Variants in GRM3 observed in about 807,000 individuals in gnomAD.
GRM3 encodes glutamate metabotropic receptor 3, also known as metabotropic glutamate receptor 3.
Under a neutral mutation model 70.5 loss-of-function variants are expected in GRM3, and 26 were observed. That is an observed-to-expected ratio of 0.37 (90% CI 0.27 to 0.51). The LOEUF (loss-of-function observed/expected upper bound fraction) is 0.51. Ranked by LOEUF, GRM3 falls within the 20% of genes least tolerant of loss-of-function variation. The pLI, the probability that GRM3 is intolerant of heterozygous loss-of-function variation, is 0.93. For missense variants in GRM3, 859 were observed against 1,123.8 expected (o/e 0.76, Z 3.37); for synonymous variants, 443 against 434.9 (o/e 1.02, Z -0.23).
At chr7:86,669,970 A>C (rs1794129868) in intron 1 of GRM3, among the ~76,000 whole-genome samples, 2 of 152,256 alleles carry the variant, frequency 1.3e-5, no homozygotes, top group Non-Finnish European at 2.9e-5. Context: ...GTGATCACCA[A>C]ATCCAACAAC....
At chr7:86,681,952 A>G (rs746684198) in intron 1 of GRM3, among the ~76,000 whole-genome samples, 1 of 152,184 alleles carries the variant, frequency 6.6e-6, no homozygotes, top group East Asian at 1.9e-4. Context: ...GGTACTGACA[A>G]AGCAAGCTTC....
chr7:86,673,007 T>C (rs1049354391), intron 1 of GRM3, among the ~76,000 whole-genome samples: 1 of 152,194 alleles, frequency 6.6e-6, no homozygotes, highest in African/African-American at 2.4e-5. Flanking sequence ...AAACAAACTT[T>C]AAAATCTTTC....
At chr7:86,789,238 AG>A (rs1797346866) in intron 3 of GRM3, among the ~76,000 whole-genome samples, 1 of 152,196 alleles carries the variant, frequency 6.6e-6, no homozygotes, top group Non-Finnish European at 1.5e-5. Flanking sequence ...CATAAAAGAG[AG>A]GGAATTTAGA....
At chr7:86,673,261 A>T (rs1794218194) in intron 1 of GRM3, among the ~76,000 whole-genome samples, 1 of 152,110 alleles carries the variant, frequency 6.6e-6, no homozygotes. Context: ...AACTGGCATC[A>T]TCCTTATTTG....
At chr7:86,647,517 A>G (rs973915536) in intron 1 of GRM3, among the ~76,000 whole-genome samples, 3 of 152,230 alleles carry the variant, frequency 2.0e-5, no homozygotes, top group African/African-American at 7.2e-5. Context: ...CCAAAGTTCC[A>G]GCGTGAGACT....
intron 2 of GRM3, among the ~76,000 whole-genome samples, chr7:86,775,660 C>A (rs1025890155): frequency 1.3e-5 from 2 of 152,108 alleles, no homozygotes; most frequent in African/African-American, 2.4e-5. Flanking sequence ...TCACCACCAT[C>A]CCTCTATCCT....
At chr7:86,663,562 T>A (rs2115854290) in intron 1 of GRM3, among the ~76,000 whole-genome samples, 1 of 152,162 alleles carries the variant, frequency 6.6e-6, no homozygotes, top group Admixed American at 6.6e-5. Context: ...GCAGGAAAAC[T>A]TGGGTCAAAA....
chr7:86,808,759 G>A (rs552839174), intron 3 of GRM3, among the ~76,000 whole-genome samples: 2 of 152,170 alleles, frequency 1.3e-5, no homozygotes, highest in East Asian at 1.9e-4. Flanking sequence ...AACCCATGAG[G>A]AAATATGGGG....
intron 1 of GRM3, among the ~76,000 whole-genome samples, chr7:86,646,125 C>T (rs1393259939): frequency 2.0e-5 from 3 of 151,600 alleles, no homozygotes; most frequent in African/African-American, 4.9e-5. Context: ...ATAGGCATTA[C>T]TAAAGTAATC....
chr7:86,777,859 T>C (rs1415653169), intron 2 of GRM3, among the ~76,000 whole-genome samples: 3 of 152,146 alleles, frequency 2.0e-5, no homozygotes, highest in African/African-American at 4.8e-5. Context: ...CAGCTAATAA[T>C]GTAACTTGAA....
At chr7:86,675,307 G>A (rs1036034570) in intron 1 of GRM3, among the ~76,000 whole-genome samples, 2 of 152,040 alleles carry the variant, frequency 1.3e-5, no homozygotes, top group Non-Finnish European at 2.9e-5. Flanking sequence ...TCCCCCATAG[G>A]AGGTCAGAAG....
At position 86,644,791 on chromosome 7, in the gene GRM3, G is replaced by A. The variant is rs1173167048; in HGVS notation, c.-222G>A. 1 of 1,289,542 alleles carries A rather than the reference G, an allele frequency of 7.8e-7. No individual in the cohort carries two copies. Among genetic ancestry groups the A allele is most frequent in the Non-Finnish European group, 1.0e-6 (1 of 988,610 alleles). The allele number at this position is 1,289,542 out of a possible 1,614,324, so 79.9% of individuals were successfully genotyped here. A position where few individuals can be genotyped will look rare whatever the true frequency, so the allele number is the denominator to read the frequency against. On this transcript the variant is annotated 5_prime_UTR_variant, in exon 1 of 6. An upstream start codon of the reference 5' UTR is lost. Coordinates refer to ENST00000361669, the MANE Select transcript of GRM3 (RefSeq NM_000840.3). Reference sequence around the variant, plus strand: ...GTGTCGGATGAGGAGGACCAACCATGAGCCAGAGCCCGGGTGCAGGCTCAC... The same window carrying A: ...GTGTCGGATGAGGAGGACCAACCATAAGCCAGAGCCCGGGTGCAGGCTCAC...
intron 1 of GRM3, among the ~76,000 whole-genome samples, chr7:86,717,563 T>A (rs2116209262): frequency 6.6e-6 from 1 of 152,074 alleles, no homozygotes; most frequent in South Asian, 2.1e-4. Context: ...AAGCTTATAT[T>A]GTGCCTTTAA....
At chr7:86,668,889 G>A (rs1794100886) in intron 1 of GRM3, among the ~76,000 whole-genome samples, 1 of 152,138 alleles carries the variant, frequency 6.6e-6, no homozygotes, top group African/African-American at 2.4e-5. Flanking sequence ...GATTTCCCTT[G>A]AGCGTGAAAT....
intron 4 of GRM3, among the ~76,000 whole-genome samples, chr7:86,842,578 G>C (rs910869872): frequency 6.6e-6 from 1 of 152,136 alleles, no homozygotes; most frequent in Non-Finnish European, 1.5e-5. Context: ...AAATTTCCCA[G>C]AGGAAAATCG....
intron 1 of GRM3, among the ~76,000 whole-genome samples, chr7:86,701,129 T>C (rs543314871): frequency 6.6e-6 from 1 of 152,012 alleles, no homozygotes; most frequent in Non-Finnish European, 1.5e-5. Flanking sequence ...AACAATAACC[T>C]TTAGCCTAAT....
At chr7:86,863,764 G>A (rs1799004507) in intron 5 of GRM3, among the ~76,000 whole-genome samples, 2 of 152,126 alleles carry the variant, frequency 1.3e-5, no homozygotes, top group Non-Finnish European at 2.9e-5. Context: ...ATTGCAGTGA[G>A]CTTTTGATTT....
intron 5 of GRM3, among the ~76,000 whole-genome samples, chr7:86,856,681 A>C (rs966766820): frequency 1.3e-5 from 2 of 152,172 alleles, no homozygotes; most frequent in Admixed American, 6.5e-5. Context: ...CAATGGAAGA[A>C]TAGAGTCTCC....
At chr7:86,836,175 G>T (rs917045971) in intron 3 of GRM3, among the ~76,000 whole-genome samples, 9 of 152,142 alleles carry the variant, frequency 5.9e-5, no homozygotes, top group African/African-American at 1.9e-4. Context: ...GGGAGTATTA[G>T]TTGGTAAAAC....
Sources: allele counts gnomAD v4.1 joint callset (sites outside exome capture counted in the v4.1 genomes callset), GRCh38; gene constraint gnomAD v4.1.1; transcripts MANE v1.5; gene names NCBI Gene and HGNC (gene_info 2026-07-23, HGNC 2026-07-21).